SHISA6: variants seen among roughly 807,000 people sequenced by gnomAD.
The protein encoded by SHISA6 is protein shisa-6.
SHISA6 carries 22 observed loss-of-function variants against 47.9 expected under a neutral mutation model. The observed-to-expected ratio is 0.46, with a 90% CI of 0.33 to 0.66. SHISA6 has a LOEUF of 0.66. Among genes scored for constraint, SHISA6 ranks in the 30% least tolerant of loss-of-function variants. SHISA6 has a pLI of 0.02. For missense variants in SHISA6, 680 were observed against 764.6 expected, an observed-to-expected ratio of 0.89 and a Z score of 1.30; for synonymous variants, 388 against 337.8, an observed-to-expected ratio of 1.15 and a Z score of -1.63.
intron 5 of SHISA6, 139 bp from the exon 6 acceptor site, chr17:11,557,615 C>T: frequency 1.2e-6 from 1 of 825,440 alleles, no homozygotes; most frequent in Non-Finnish European, 1.8e-6. Flanking sequence ...TGTCCTAATC[C>T]ATAACTAAAG....
At chr17:11,533,654 A>C (rs1300202565) in intron 3 of SHISA6, among the ~76,000 whole-genome samples, 2 of 128,000 alleles carry the variant, frequency 1.6e-5, no homozygotes, top group African/African-American at 5.9e-5. Context: ...GTGCACTGGC[A>C]CCATCTCGGC....
At chr17:11,478,913 TG>T in intron 3 of SHISA6, among the ~76,000 whole-genome samples, 1 of 151,386 alleles carries the variant, frequency 6.6e-6, no homozygotes, top group Non-Finnish European at 1.5e-5. Context: ...GGCTCTTTTT[TG>T]GTTCCATATG....
At chr17:11,395,512 AC>A (rs1913539751) in intron 3 of SHISA6, among the ~76,000 whole-genome samples, 1 of 125,446 alleles carries the variant, frequency 8.0e-6, no homozygotes, top group African/African-American at 3.1e-5. Context: ...AGGCAGTTTT[AC>A]TTTTTTTTTT....
intron 2 of SHISA6, among the ~76,000 whole-genome samples, chr17:11,301,982 G>A (rs575229788): frequency 1.3e-3 from 203 of 152,126 alleles, no homozygotes; most frequent in Non-Finnish European, 2.3e-3. Context: ...CTTACATGGC[G>A]GCGGCAAGAG....
intron 1 of SHISA6, among the ~76,000 whole-genome samples, chr17:11,247,618 G>T (rs1242356047): frequency 2.0e-5 from 3 of 152,130 alleles, no homozygotes; most frequent in Non-Finnish European, 4.4e-5. Context: ...TGGTGGTGGT[G>T]GGAGGGGTTG....
At chr17:11,275,149 ATT>A (rs36121722) in intron 2 of SHISA6, among the ~76,000 whole-genome samples, 2 of 146,066 alleles carry the variant, frequency 1.4e-5, no homozygotes, top group African/African-American at 2.5e-5. Context: ...AGCAGGAGGA[ATT>A]TTTTTTTTTT....
At position 11,418,221 on chromosome 17, in the gene SHISA6, G is replaced by A. The variant is rs568351049; in HGVS notation, c.895+38712G>A. The stretch of plus-strand genomic sequence containing the variant: ...GAGAATTTTTTTTAAAAAAATCTTG[G>A]TGTCCAAGTTTTGATGGTATATCAT... On this transcript the variant is annotated intron_variant, in intron 3 of 5. Transcript: ENST00000441885. Among the ~76,000 whole-genome samples, 135 of 152,080 alleles carry A rather than the reference G, an allele frequency of 8.9e-4. 1 individual carries two copies. Among genetic ancestry groups the A allele is most frequent in the African/African-American group, 3.1e-3 (130 of 41,468 alleles).
chr17:11,312,529 ACCT>A (rs1384756097), intron 2 of SHISA6, among the ~76,000 whole-genome samples: 5 of 152,232 alleles, frequency 3.3e-5, no homozygotes, highest in African/African-American at 1.2e-4. Context: ...TATACCACTC[ACCT>A]CCTTTTTTAC....
At chr17:11,275,480 C>T (rs75673815) in intron 2 of SHISA6, among the ~76,000 whole-genome samples, 66,147 of 152,044 alleles carry the variant, frequency 0.44, 17,152 homozygotes, top group Admixed American at 0.57. Flanking sequence ...GGATGTCAAG[C>T]GTCAGCAATA....
chr17:11,552,095 C>A, intron 4 of SHISA6, 143 bp downstream of exon 4: 1 of 779,876 alleles, frequency 1.3e-6, no homozygotes, highest in Non-Finnish European at 2.1e-6. Context: ...GGCTCGCCCT[C>A]CTCCAGGGCC....
intron 1 of SHISA6, among the ~76,000 whole-genome samples, chr17:11,253,200 T>TC (rs1319755754): frequency 6.6e-6 from 1 of 152,116 alleles, no homozygotes; most frequent in African/African-American, 2.4e-5. Context: ...GTGTTCCTTC[T>TC]CCCCTCTCTG....
chr17:11,457,908 AC>A (rs1915586693), intron 3 of SHISA6, among the ~76,000 whole-genome samples: 1 of 151,558 alleles, frequency 6.6e-6, no homozygotes, highest in Non-Finnish European at 1.5e-5. Context: ...ACGTGGTAAA[AC>A]CCCGTATCTA....
At chr17:11,337,624 C>T in intron 2 of SHISA6, among the ~76,000 whole-genome samples, 1 of 152,268 alleles carries the variant, frequency 6.6e-6, no homozygotes, top group Non-Finnish European at 1.5e-5. Context: ...GTCTGACAGA[C>T]TTGTCTTTTT....
intron 3 of SHISA6, among the ~76,000 whole-genome samples, chr17:11,498,215 G>A (rs1567621971): frequency 6.6e-6 from 1 of 152,178 alleles, no homozygotes; most frequent in Non-Finnish European, 1.5e-5. Context: ...TCAAGGGAAA[G>A]TCCTTTGTAG....
intron 3 of SHISA6, among the ~76,000 whole-genome samples, chr17:11,475,337 G>C (rs564689126): frequency 4.6e-5 from 7 of 152,250 alleles, no homozygotes; most frequent in Admixed American, 6.5e-5. Context: ...AGTGTTGAGA[G>C]GGGGCATGGC....
chr17:11,489,198 C>T (rs1374694409), intron 3 of SHISA6, among the ~76,000 whole-genome samples: 1 of 152,016 alleles, frequency 6.6e-6, no homozygotes, highest in Non-Finnish European at 1.5e-5. Context: ...CCACCCCAGA[C>T]CAATGGTCAG....
At chr17:11,330,492 GA>G (rs1382562241) in intron 2 of SHISA6, among the ~76,000 whole-genome samples, 1 of 73,174 alleles carries the variant, frequency 1.4e-5, no homozygotes, top group Non-Finnish European at 3.8e-5. Context: ...ATGCTAGGGA[GA>G]GAGAGAGAGA....
chr17:11,374,782 A>C (rs1374350962), intron 2 of SHISA6, among the ~76,000 whole-genome samples: 1 of 151,924 alleles, frequency 6.6e-6, no homozygotes, highest in Non-Finnish European at 1.5e-5. Flanking sequence ...GTAGTACTTA[A>C]GTAATACTAG....
intron 2 of SHISA6, among the ~76,000 whole-genome samples, chr17:11,334,480 G>A (rs1026809093): frequency 2.0e-5 from 3 of 152,182 alleles, no homozygotes; most frequent in Non-Finnish European, 4.4e-5. Context: ...GCAGGGAGCA[G>A]GGCCCCTAAC....
Sources: gnomAD v4.1 joint callset for allele counts (sites outside exome capture counted in the v4.1 genomes callset) on GRCh38, gnomAD v4.1.1 for gene constraint, MANE v1.5 for transcripts, NCBI Gene and HGNC (gene_info 2026-07-23, HGNC 2026-07-21) for gene names.